ZNF562: variants seen among roughly 807,000 people sequenced by gnomAD.
The protein encoded by ZNF562 is zinc finger protein 562.
Under a neutral mutation model 17.5 loss-of-function variants are expected in ZNF562, and 13 were observed. The ratio of observed to expected loss-of-function variants is 0.74; its 90% CI spans 0.48 to 1.18. The LOEUF (loss-of-function observed/expected upper bound fraction) is 1.18. Ranked by LOEUF, ZNF562 falls within the 50% of genes most tolerant of loss-of-function variation. ZNF562 has a pLI of 0.00. For synonymous variants in ZNF562, 163 were observed against 165.4 expected (o/e 0.99, Z 0.11); for missense variants, 481 against 498.5 (o/e 0.96, Z 0.33).
At chr19:9,662,089 C>A (rs1327436737) in intron 1 of ZNF562, among the ~76,000 whole-genome samples, 1 of 152,042 alleles carries the variant, frequency 6.6e-6, no homozygotes, top group Non-Finnish European at 1.5e-5. Flanking sequence ...CTGAAAAAAA[C>A]CTACATTCAA....
chr19:9,659,336 A>G, intron 3 of ZNF562, 43 bp downstream of exon 3: 1 of 1,493,316 alleles, frequency 6.7e-7, no homozygotes, highest in Admixed American at 2.0e-5. Context: ...TACCTATTGG[A>G]TGTAAGTATG....
intron 1 of ZNF562, among the ~76,000 whole-genome samples, chr19:9,662,186 C>T (rs2043775819): frequency 6.6e-6 from 1 of 152,150 alleles, no homozygotes; most frequent in African/African-American, 2.4e-5. Context: ...AGAAGACAGC[C>T]CAGACTTGCA....
At chr19:9,669,022 C>A (rs907080921) in intron 1 of ZNF562, among the ~76,000 whole-genome samples, 1 of 151,914 alleles carries the variant, frequency 6.6e-6, no homozygotes, top group African/African-American at 2.4e-5. Context: ...TAGAGGAAGA[C>A]CCTTGGGAAA....
intron 5 of ZNF562, 78 bp downstream of exon 5, chr19:9,656,469 A>G: frequency 6.7e-7 from 1 of 1,502,626 alleles, no homozygotes; most frequent in Non-Finnish European, 9.2e-7. Flanking sequence ...AGATGGTGCC[A>G]CTGCACTTCA....
chr19:9,658,254 C>G, intron 3 of ZNF562, 119 bp from the exon 4 acceptor site: 1 of 1,396,720 alleles, frequency 7.2e-7, no homozygotes, highest in Non-Finnish European at 9.4e-7. Context: ...CTCCCATGAT[C>G]TACTCCAGGG....
In ZNF562 at chr19:9,660,720, C is replaced by A; in HGVS notation, c.25G>T (p.Gly9Trp). ...AAAAAGAGCATCAACAAGGACTTAC[C>A]ATGGGACATATCAAAGGCTGACATC... MSAFDMSH[G>W]FFPREPICPF... Residue 9 changes from glycine (G) to tryptophan (W), a missense_variant and splice_region_variant, in exon 2 of 6, where the codon GGG (glycine) becomes TGG (tryptophan). By Grantham distance (184) the Gly-to-Trp change is radical. Coordinates refer to ENST00000453372, the MANE Select transcript of ZNF562 (RefSeq NM_001130031.2). The A allele has an allele frequency of 1.2e-6, 2 of 1,613,394 alleles. No individual in the cohort carries two copies. Among genetic ancestry groups the A allele is most frequent in the Non-Finnish European group, 1.7e-6 (2 of 1,179,596 alleles).
At chr19:9,666,323 C>CA (rs112849375) in intron 1 of ZNF562, among the ~76,000 whole-genome samples, 12,750 of 79,442 alleles carry the variant, frequency 0.16, 662 homozygotes, top group Middle Eastern at 0.28. Flanking sequence ...ACCTCCGTCT[C>CA]AAAAAAAAAA....
chr19:9,660,309 C>T (rs146669875), intron 2 of ZNF562, among the ~76,000 whole-genome samples: 70 of 151,778 alleles, frequency 4.6e-4, no homozygotes, highest in African/African-American at 1.6e-3. Context: ...GAGCATTCTG[C>T]GTCTTACTTG....
chr19:9,662,438 G>A (rs1210409149), intron 1 of ZNF562, among the ~76,000 whole-genome samples: 1 of 151,742 alleles, frequency 6.6e-6, no homozygotes, highest in Non-Finnish European at 1.5e-5. Flanking sequence ...GCTGGGCGTG[G>A]TGGCACACGA....
intron 1 of ZNF562, among the ~76,000 whole-genome samples, chr19:9,661,274 T>C (rs1047288159): frequency 2.6e-5 from 4 of 152,104 alleles, no homozygotes; most frequent in African/African-American, 7.2e-5. Context: ...CTCAGCTTCC[T>C]GAATAGCTGG....
chr19:9,670,834 C>G (rs1228413773), intron 1 of ZNF562, among the ~76,000 whole-genome samples: 1 of 151,956 alleles, frequency 6.6e-6, no homozygotes, highest in Non-Finnish European at 1.5e-5. Flanking sequence ...CCCGTCTCTA[C>G]TAAAACTACA....
At chr19:9,665,562 A>G (rs1156883408) in intron 1 of ZNF562, among the ~76,000 whole-genome samples, 3 of 152,120 alleles carry the variant, frequency 2.0e-5, no homozygotes, top group Admixed American at 2.0e-4. Flanking sequence ...GGAGCAGCAT[A>G]CTGTAGGGGT....
In ZNF562 at chr19:9,658,096, G is replaced by T. The variant is rs1274803491; in HGVS notation, c.154C>A (p.Pro52Thr). 1 of 1,613,812 alleles carries T rather than the reference G, an allele frequency of 6.2e-7. No homozygotes were observed. Among genetic ancestry groups the T allele is most frequent in the Non-Finnish European group, 8.5e-7 (1 of 1,179,876 alleles). ...GTGTCCAGTAAAGCCCACTCCTCTG[G>T]GGTGAACTCCACAGCCACATCATCA... The part of the protein sequence containing the change: ...TFDDVAVEFT[P>T]EEWALLDTTQ... Residue 52 changes from proline (P) to threonine (T), a missense_variant, in exon 4 of 6, where the codon CCA becomes ACA. Coordinates refer to ENST00000453372, the MANE Select transcript of ZNF562 (RefSeq NM_001130031.2).
rs2043643284 is a variant in ZNF562, at chr19:9,659,521, C to T, written c.26-54G>A. ...GCCAGAGCTGCCCACATTCTTATGC[C>T]CAGAAGTCATTCCATCCTAGCTTGA... On this transcript the variant is annotated intron_variant, in intron 2 of 5. Coordinates refer to ENST00000453372, the MANE Select transcript of ZNF562 (RefSeq NM_001130031.2). The T allele has an allele frequency of 2.6e-6, 4 of 1,529,188 alleles. No homozygotes were observed. In the South Asian group the frequency reaches 4.8e-5, roughly 18 times the overall value. 94.7% of individuals were successfully genotyped at this position (1,529,188 alleles called of 1,614,324 possible).
rs1160480817 is a variant in ZNF562 at position 9,653,003 on chromosome 19, G to A, written c.1227C>T (p.Phe409=). Residue 409 remains phenylalanine, a synonymous_variant, in exon 6 of 6, where the codon TTC becomes TTT. Transcript: ENST00000453372. ...GTTTACTACGATGGGAAGAAGTAAT[G>A]AAGGTCTTCCCACATTCAACACATT... The part of the protein sequence containing the change: ...PYECVECGKT[F]ITSSHRSKHL... 1.3e-6 allele frequency: 2 copies of A among 1,533,048 alleles called. No homozygotes were observed. Among genetic ancestry groups the A allele is most frequent in the Non-Finnish European group, 1.8e-6 (2 of 1,141,718 alleles). 95.0% of individuals were successfully genotyped at this position (1,533,048 alleles called of 1,614,324 possible).
chr19:9,648,331 C>T lies in ZNF562; in HGVS notation c.*4618G>A, dbSNP rs1393899201. On this transcript the variant is annotated 3_prime_UTR_variant, in exon 6 of 6. Transcript: ENST00000453372. Reference sequence around the variant, plus strand: ...TTAATTTATTTATTTTTGACAGAGTCGCACCCTGTCACCCAGCATGGAGTG... The same window carrying T: ...TTAATTTATTTATTTTTGACAGAGTTGCACCCTGTCACCCAGCATGGAGTG... The T allele has an allele frequency of 3.3e-5, 5 of 152,228 alleles. No homozygotes were observed. Among genetic ancestry groups the T allele is most frequent in the South Asian group, 2.1e-4 (1 of 4,824 alleles). The allele number at this position is 152,228 out of a possible 1,614,324, so 9.4% of individuals were successfully genotyped here.
intron 5 of ZNF562, among the ~76,000 whole-genome samples, chr19:9,655,212 C>A (rs1001486460): frequency 2.6e-5 from 4 of 152,080 alleles, no homozygotes; most frequent in Non-Finnish European, 5.9e-5. Context: ...TGGTCTTGAT[C>A]TCCTAGACTC....
rs1427830594 is a variant in ZNF562, at chr19:9,645,961, AC to A, written c.*6987del. The A allele has an allele frequency of 6.6e-6, 1 of 152,248 alleles. No individual in the cohort carries two copies. The highest frequency in any genetic ancestry group is 1.5e-5 in the Non-Finnish European group (1 of 68,044). The allele number at this position is 152,248 out of a possible 1,614,324, so 9.4% of individuals were successfully genotyped here. A position where few individuals can be genotyped will look rare whatever the true frequency, so the allele number is the denominator to read the frequency against. ...CAAAGAGGGGAACACAATGAAACAAACAAAAAAAATTAGATGCTAGAAATTA... is the reference window on the plus strand; with the variant it reads ...CAAAGAGGGGAACACAATGAAACAAAAAAAAAAATTAGATGCTAGAAATTA... On this transcript the variant is annotated 3_prime_UTR_variant, in exon 6 of 6. Transcript: ENST00000453372.
intron 1 of ZNF562, among the ~76,000 whole-genome samples, chr19:9,671,656 C>T (rs1367507499): frequency 6.6e-6 from 1 of 152,214 alleles, no homozygotes; most frequent in African/African-American, 2.4e-5. Flanking sequence ...GCTTCCTAAG[C>T]ACTTGGTCCA....
Sources: allele counts gnomAD v4.1 joint callset (sites outside exome capture counted in the v4.1 genomes callset), GRCh38; gene constraint gnomAD v4.1.1; transcripts MANE v1.5; gene names NCBI Gene and HGNC (gene_info 2026-07-23, HGNC 2026-07-21).